The following ABCA13 variants were observed in gnomAD, a reference collection of about 807,000 sequenced individuals.
The protein encoded by ABCA13 is ATP binding cassette subfamily A member 13.
ABCA13 carries 476 observed loss-of-function variants against 478.7 expected under a neutral mutation model. The ratio of observed to expected loss-of-function variants is 0.99; its 90% CI spans 0.92 to 1.07. ABCA13 has a LOEUF of 1.07. ABCA13 is among the 50% of genes least tolerant of loss of function. The pLI, the probability that ABCA13 is intolerant of heterozygous loss-of-function variation, is 0.00. For synonymous variants in ABCA13, 2,252 were observed against 2,158.9 expected, an observed-to-expected ratio of 1.04 and a Z score of -1.20; for missense variants, 6,060 against 5,910.6, an observed-to-expected ratio of 1.03 and a Z score of -0.83.
chr7:48,235,066 G>C (rs146994106), intron 8 of ABCA13, among the ~76,000 whole-genome samples: 140 of 152,252 alleles, frequency 9.2e-4, no homozygotes, highest in African/African-American at 3.3e-3. Context: ...TCAGTCTCAG[G>C]GGTTAGATGG....
intron 55 of ABCA13, among the ~76,000 whole-genome samples, chr7:48,569,063 G>C (rs1787354014): frequency 6.6e-6 from 1 of 151,958 alleles, no homozygotes; most frequent in African/African-American, 2.4e-5. Flanking sequence ...TGACCTTAAA[G>C]AATCAAGATT....
In ABCA13 at chr7:48,644,468, A is replaced by G. The variant is rs968191361; in HGVS notation, c.14944-149A>G. On this transcript the variant is annotated intron_variant, in intron 60 of 61. Transcript: ENST00000435803. ...CAAATATACCCCATGAAAAATTGTC[A>G]TCAATAAGCATTCATTGGAGACTCA... 15 of 840,752 alleles carry G rather than the reference A, an allele frequency of 1.8e-5. No individual in the cohort carries two copies. In the African/African-American group the frequency reaches 2.2e-4, roughly 13 times the overall value. 52.1% of individuals were successfully genotyped at this position (840,752 alleles called of 1,614,324 possible).
intron 55 of ABCA13, among the ~76,000 whole-genome samples, chr7:48,575,649 A>G (rs1527839): frequency 0.12 from 18,348 of 152,168 alleles, 1,337 homozygotes; most frequent in East Asian, 0.17. Flanking sequence ...TTTAAAATTT[A>G]TAGCTTTTCC....
chr7:48,506,474 CTT>C, intron 49 of ABCA13, 84 bp downstream of exon 49: 1 of 1,480,254 alleles, frequency 6.8e-7, no homozygotes, highest in South Asian at 1.1e-5. Flanking sequence ...TTTGGTCTCT[CTT>C]TTGCATTTGC....
intron 8 of ABCA13, among the ~76,000 whole-genome samples, chr7:48,236,839 C>G (rs1413942254): frequency 6.6e-6 from 1 of 152,126 alleles, no homozygotes; most frequent in African/African-American, 2.4e-5. Context: ...TGCTTCCCAC[C>G]CTTCGTAAGT....
At position 48,506,345 on chromosome 7, in the gene ABCA13, T is replaced by C. The variant is rs1004109147; in HGVS notation, c.13301T>C (p.Leu4434Pro). 6.2e-7 allele frequency: 1 copy of C among 1,613,692 alleles called. No homozygotes were observed. The highest frequency in any genetic ancestry group is 1.3e-5 in the African/African-American group (1 of 74,912). ...AATTTGTCTTTCACAGGAATAACAC[T>C]CTACAGCCACCCATATGGAGGGGCC... ...TVDWRQYGITLYSHPYGGALL... is the reference protein window; with the variant it reads ...TVDWRQYGITPYSHPYGGALL... The change falls in exon 49 of 62, where the codon CTC becomes CCC. Residue 4434 changes from leucine (L) to proline (P), a missense_variant. This residue lies in a region of ABCA13 where 1,627 missense variants were observed against 1,571.0 expected (regional missense o/e 1.04). Transcript: ENST00000435803.
chr7:48,522,878 C>A (rs955525800), intron 53 of ABCA13, among the ~76,000 whole-genome samples: 1 of 152,110 alleles, frequency 6.6e-6, no homozygotes, highest in South Asian at 2.1e-4. Flanking sequence ...TACTACTCTG[C>A]CAGGCAGGAG....
intron 59 of ABCA13, among the ~76,000 whole-genome samples, chr7:48,635,341 T>C (rs114146171): frequency 0.016 from 2,387 of 152,228 alleles, 53 homozygotes; most frequent in African/African-American, 0.053. Flanking sequence ...TGAGCCACAT[T>C]TCTGGAGCTA....
chr7:48,566,207 T>C (rs1462185475), intron 55 of ABCA13, among the ~76,000 whole-genome samples: 2 of 152,158 alleles, frequency 1.3e-5, no homozygotes, highest in Non-Finnish European at 1.5e-5. Context: ...CCAAACATTT[T>C]ATTTAATTTC....
chr7:48,203,203 C>G (rs12718302), intron 3 of ABCA13, among the ~76,000 whole-genome samples: 30,905 of 152,124 alleles, frequency 0.2, 3,395 homozygotes, highest in Middle Eastern at 0.25. Flanking sequence ...CCGGCTGCTC[C>G]GAGTGCGGGC....
chr7:48,179,063 C>G (rs981009721), intron 1 of ABCA13, among the ~76,000 whole-genome samples: 2 of 151,338 alleles, frequency 1.3e-5, no homozygotes, highest in Non-Finnish European at 2.9e-5. Flanking sequence ...TTCCTTCTTA[C>G]TTGTGAATGC....
At chr7:48,487,770 G>C (rs1038451475) in intron 47 of ABCA13, among the ~76,000 whole-genome samples, 1 of 152,162 alleles carries the variant, frequency 6.6e-6, no homozygotes, top group African/African-American at 2.4e-5. Context: ...AATCTGGCTA[G>C]TGCCTGTGTA....
At chr7:48,554,183 T>C (rs182326265) in intron 55 of ABCA13, among the ~76,000 whole-genome samples, 5 of 152,220 alleles carry the variant, frequency 3.3e-5, no homozygotes, top group African/African-American at 1.2e-4. Flanking sequence ...CATTGGCCTA[T>C]GTGCCTGTTT....
At chr7:48,295,628 TA>T in intron 20 of ABCA13, 71 bp from the exon 21 acceptor site, 1 of 1,572,158 alleles carries the variant, frequency 6.4e-7, no homozygotes. Flanking sequence ...TTCCTGAGAC[TA>T]ATGAGAATAA....
intron 15 of ABCA13, among the ~76,000 whole-genome samples, chr7:48,268,146 TA>T (rs200990619): frequency 0.011 from 1,658 of 152,144 alleles, 28 homozygotes; most frequent in African/African-American, 0.036. Flanking sequence ...TTTAATCCTT[TA>T]AAAAAATTAT....
intron 58 of ABCA13, among the ~76,000 whole-genome samples, chr7:48,614,954 G>A (rs1287988009): frequency 6.0e-5 from 9 of 149,370 alleles, no homozygotes; most frequent in Non-Finnish European, 1.2e-4. Context: ...GTTAATGGGT[G>A]CAGCACACCA....
chr7:48,322,759 T>C (rs1371047838), intron 27 of ABCA13, among the ~76,000 whole-genome samples: 1 of 152,150 alleles, frequency 6.6e-6, no homozygotes. Context: ...TTCGGCAGGC[T>C]TTTTTTCGGT....
chr7:48,332,950 A>G (rs1057081784), intron 27 of ABCA13, among the ~76,000 whole-genome samples: 3 of 152,204 alleles, frequency 2.0e-5, no homozygotes, highest in Admixed American at 1.3e-4. Flanking sequence ...AGTGTTTGCT[A>G]AGCTTCCTGA....
intron 1 of ABCA13, among the ~76,000 whole-genome samples, chr7:48,191,570 AT>A (rs970421258): frequency 4.6e-5 from 7 of 151,184 alleles, no homozygotes; most frequent in East Asian, 3.9e-4. Flanking sequence ...TGCCTGGCTA[AT>A]TTTTTTTTGT....
Sources: allele counts gnomAD v4.1 joint callset (sites outside exome capture counted in the v4.1 genomes callset), GRCh38; gene constraint gnomAD v4.1.1; regional missense constraint gnomAD v4.1.1; transcripts MANE v1.5; gene names NCBI Gene and HGNC (gene_info 2026-07-23, HGNC 2026-07-21).